Variants in ELMOD2 observed in about 807,000 individuals in gnomAD.
ELMOD2 encodes ELMO domain-containing protein 2.
Under a neutral mutation model 41.0 loss-of-function variants are expected in ELMOD2, and 28 were observed. That is an observed-to-expected ratio of 0.68 (90% CI 0.51 to 0.94). The LOEUF (loss-of-function observed/expected upper bound fraction) is 0.94, where lower values mean the gene tolerates loss of function less well. ELMOD2 is among the 40% of genes least tolerant of loss of function. ELMOD2 has a pLI of 0.00. For synonymous variants in ELMOD2, 106 were observed against 107.2 expected, an observed-to-expected ratio of 0.99 and a Z score of 0.07; for missense variants, 333 against 343.1, an observed-to-expected ratio of 0.97 and a Z score of 0.23.
chr4:140,545,041 T>C (rs1020059738), intron 8 of ELMOD2, among the ~76,000 whole-genome samples: 3 of 152,154 alleles, frequency 2.0e-5, no homozygotes, highest in African/African-American at 7.2e-5. Flanking sequence ...TTTTCAATAA[T>C]TGCTTTTTCA....
At chr4:140,528,612 G>T (rs181068206) in intron 3 of ELMOD2, among the ~76,000 whole-genome samples, 4 of 152,136 alleles carry the variant, frequency 2.6e-5, no homozygotes. Context: ...GTGGCTCAAG[G>T]TCAAAAATGT....
intron 6 of ELMOD2, among the ~76,000 whole-genome samples, chr4:140,541,421 T>C (rs1174308880): frequency 6.6e-6 from 1 of 152,186 alleles, no homozygotes; most frequent in African/African-American, 2.4e-5. Flanking sequence ...AAAGTTGTTC[T>C]ATATTACAGA....
At chr4:140,530,735 C>T (rs912867865) in intron 3 of ELMOD2, among the ~76,000 whole-genome samples, 8 of 152,106 alleles carry the variant, frequency 5.3e-5, no homozygotes, top group African/African-American at 1.4e-4. Flanking sequence ...TTCCAATAAA[C>T]AGAGGTAGCC....
rs1735440364 is a variant in ELMOD2, at chr4:140,550,489, T to C, written c.*114T>C. On this transcript the variant is annotated 3_prime_UTR_variant, in exon 9 of 9. Transcript: ENST00000323570. ...TCTTATATATAATTTCCTACAAAAA[T>C]ATTTCAGAAATTCTATTTAAGAAAG... is the stretch of plus-strand genomic sequence containing the variant. The C allele has an allele frequency of 2.7e-6, 3 of 1,110,656 alleles. No individual in the cohort carries two copies. The highest frequency in any genetic ancestry group is 1.6e-5 in the African/African-American group (1 of 62,428). The allele number at this position is 1,110,656 out of a possible 1,614,324, so 68.8% of individuals were successfully genotyped here. A position where few individuals can be genotyped will look rare whatever the true frequency, so the allele number is the denominator to read the frequency against.
At position 140,532,166 on chromosome 4, in the gene ELMOD2, GT is replaced by G. The variant is rs56301474; in HGVS notation, c.172-3551del. On this transcript the variant is annotated intron_variant, in intron 3 of 8. Coordinates refer to ENST00000323570, the MANE Select transcript of ELMOD2 (RefSeq NM_153702.4). ...AAAGGATAATATGTCATGTTGAGTT[GT>G]TTTTTTTTTTTTTTTGATACAGAGC... Among the ~76,000 whole-genome samples the G allele has an allele frequency of 7.9e-3, 1,085 of 137,578 alleles. 11 individuals carry two copies. Among genetic ancestry groups the G allele is most frequent in the African/African-American group, 0.023 (852 of 37,568 alleles). 90.3% of individuals were successfully genotyped at this position (137,578 alleles called of 152,430 possible). A position where few individuals can be genotyped will look rare whatever the true frequency, so the allele number is the denominator to read the frequency against.
At chr4:140,547,500 A>C (rs968209997) in intron 8 of ELMOD2, among the ~76,000 whole-genome samples, 3 of 152,080 alleles carry the variant, frequency 2.0e-5, no homozygotes, top group African/African-American at 7.2e-5. Context: ...TAGGGCCAAA[A>C]TTTTAGCTGG....
At chr4:140,537,637 G>A (rs1230168375) in intron 5 of ELMOD2, 96 bp downstream of exon 5, 1 of 1,440,172 alleles carries the variant, frequency 6.9e-7, no homozygotes, top group Non-Finnish European at 9.3e-7. Flanking sequence ...AGGCTTATAT[G>A]GCTAGGCTTA....
At chr4:140,550,201 T>A in intron 8 of ELMOD2, 29 bp from the exon 9 acceptor site, 3 of 1,582,492 alleles carry the variant, frequency 1.9e-6, no homozygotes, top group Non-Finnish European at 1.7e-6. Flanking sequence ...ACATTGAGGA[T>A]TAAATGTTTT....
At chr4:140,540,843 T>TCTTAAA in intron 6 of ELMOD2, among the ~76,000 whole-genome samples, 1 of 152,218 alleles carries the variant, frequency 6.6e-6, no homozygotes, top group African/African-American at 2.4e-5. Context: ...ATTTCCATTC[T>TCTTAAA]GATACCTCTT....
Position 140,537,248 on chromosome 4 carries a change from T to C in ELMOD2, c.270-164T>C, listed in dbSNP as rs566618595. ...CTCTTTCTAGGCCTTGTATCCTATA[T>C]AGTACTTTACATAATGTTTTGTATT... On this transcript the variant is annotated intron_variant, in intron 4 of 8. Transcript: ENST00000323570. Among the ~76,000 whole-genome samples the C allele has an allele frequency of 1.8e-4, 28 of 152,242 alleles. No homozygotes were observed. The South Asian group carries it at 3.5e-3, about 19-fold the overall frequency.
At chr4:140,534,070 T>A (rs773447345) in intron 3 of ELMOD2, among the ~76,000 whole-genome samples, 5 of 152,162 alleles carry the variant, frequency 3.3e-5, no homozygotes, top group Non-Finnish European at 7.4e-5. Flanking sequence ...AATTTCACTC[T>A]TAGGTGTCTA....
At chr4:140,537,796 A>C (rs1734981497) in intron 5 of ELMOD2, among the ~76,000 whole-genome samples, 1 of 150,784 alleles carries the variant, frequency 6.6e-6, no homozygotes, top group South Asian at 2.1e-4. Flanking sequence ...TATTCAAATA[A>C]ATTTTATTTT....
rs1207607169 is a variant in ELMOD2, at chr4:140,524,194, G to C, written c.-96G>C. ...ACTTCCGGGTCGCGGTGCTTGAAGG[G>C]AGTGTTCCGTCGTTTCCGTTGCCGG... On this transcript the variant is annotated 5_prime_UTR_variant, in exon 1 of 9. Coordinates refer to ENST00000323570, the MANE Select transcript of ELMOD2 (RefSeq NM_153702.4). 6.6e-6 allele frequency: 1 copy of C among 152,444 alleles called. No individual in the cohort carries two copies. Among genetic ancestry groups the C allele is most frequent in the Non-Finnish European group, 1.5e-5 (1 of 68,238 alleles). The allele number at this position is 152,444 out of a possible 1,614,324, so 9.4% of individuals were successfully genotyped here.
At chr4:140,549,824 A>G (rs1180085182) in intron 8 of ELMOD2, among the ~76,000 whole-genome samples, 2 of 151,298 alleles carry the variant, frequency 1.3e-5, no homozygotes, top group Non-Finnish European at 2.9e-5. Flanking sequence ...TAGCTGGGAC[A>G]ATAGGCGCAT....
At chr4:140,525,353 A>AAACT in intron 1 of ELMOD2, 67 bp from the exon 2 acceptor site, 1 of 1,192,440 alleles carries the variant, frequency 8.4e-7, no homozygotes, top group Non-Finnish European at 1.1e-6. Context: ...TCAGTTGTAT[A>AAACT]AACTTTTTAA....
chr4:140,527,551 T>TAAA, intron 3 of ELMOD2, 57 bp downstream of exon 3: 11 of 1,171,550 alleles, frequency 9.4e-6, no homozygotes, highest in South Asian at 3.2e-5. Flanking sequence ...TATTTTTTCT[T>TAAA]AAAAAAAAAA....
At chr4:140,548,203 A>G (rs1735353806) in intron 8 of ELMOD2, among the ~76,000 whole-genome samples, 1 of 152,190 alleles carries the variant, frequency 6.6e-6, no homozygotes, top group African/African-American at 2.4e-5. Flanking sequence ...TAAGAATGGT[A>G]AATATCTAAA....
intron 5 of ELMOD2, 115 bp from the exon 6 acceptor site, chr4:140,540,053 C>T: frequency 8.1e-7 from 1 of 1,227,604 alleles, no homozygotes; most frequent in Non-Finnish European, 1.1e-6. Context: ...GAAAAATGTT[C>T]TAAAGTCTTT....
chr4:140,546,609 TTA>T (rs1560834499), intron 8 of ELMOD2, among the ~76,000 whole-genome samples: 5 of 131,590 alleles, frequency 3.8e-5, no homozygotes, highest in Admixed American at 7.6e-5. Context: ...CTTCATAAAA[TTA>T]AAAAAAAAAA....
Sources: gnomAD v4.1 joint callset for allele counts (sites outside exome capture counted in the v4.1 genomes callset) on GRCh38, gnomAD v4.1.1 for gene constraint, MANE v1.5 for transcripts, NCBI Gene and HGNC (gene_info 2026-07-23, HGNC 2026-07-21) for gene names.